Variants in PCDH15 observed in about 807,000 individuals in gnomAD.
PCDH15 encodes the protein protocadherin related 15, also known as protocadherin-15.
PCDH15 carries 129 observed loss-of-function variants against 178.5 expected under a neutral mutation model. That is an observed-to-expected ratio of 0.72 (90% CI 0.63 to 0.84). PCDH15 has a LOEUF of 0.84. PCDH15 is among the 40% of genes least tolerant of loss of function. PCDH15 has a pLI of 0.00. For missense variants in PCDH15, 2,230 were observed against 2,099.9 expected (o/e 1.06, Z -1.21); for synonymous variants, 800 against 732.0 (o/e 1.09, Z -1.50).
At chr10:54,390,361 C>T (rs1950405032) in intron 3 of PCDH15, among the ~76,000 whole-genome samples, 1 of 152,098 alleles carries the variant, frequency 6.6e-6, no homozygotes, top group Non-Finnish European at 1.5e-5. Context: ...GGTGCGATCT[C>T]GGCTCCCTGC....
At chr10:53,873,168 A>G (rs1040423172) in intron 26 of PCDH15, among the ~76,000 whole-genome samples, 1 of 152,224 alleles carries the variant, frequency 6.6e-6, no homozygotes, top group Non-Finnish European at 1.5e-5. Flanking sequence ...GAAAATTTTT[A>G]TAGAATCACC....
At chr10:55,433,463 T>A (rs1041944124) in intron 2 of PCDH15, among the ~76,000 whole-genome samples, 2 of 152,108 alleles carry the variant, frequency 1.3e-5, no homozygotes, top group Admixed American at 6.5e-5. Context: ...AAACTACCTA[T>A]TGGGTACTAT....
chr10:55,451,578 AAGAATTCATTC>A (rs1320788917), intron 2 of PCDH15, among the ~76,000 whole-genome samples: 1 of 152,192 alleles, frequency 6.6e-6, no homozygotes, highest in Non-Finnish European at 1.5e-5. Flanking sequence ...TATTGTAAAA[AAGAATTCATTC>A]AGAATTCATT....
chr10:55,413,986 T>C (rs552666951), intron 2 of PCDH15, among the ~76,000 whole-genome samples: 234 of 151,662 alleles, frequency 1.5e-3, no homozygotes, highest in Non-Finnish European at 2.5e-3. Context: ...TGCACAGATA[T>C]AAGAGTAAGA....
chr10:54,633,411 C>A (rs900201559), intron 2 of PCDH15, among the ~76,000 whole-genome samples: 10 of 151,942 alleles, frequency 6.6e-5, no homozygotes, highest in Non-Finnish European at 1.2e-4. Flanking sequence ...TTTGCATGAA[C>A]CTGAAAGTTG....
chr10:55,077,270 A>G (rs1841918864), intron 2 of PCDH15, among the ~76,000 whole-genome samples: 1 of 152,094 alleles, frequency 6.6e-6, no homozygotes, highest in Non-Finnish European at 1.5e-5. Flanking sequence ...ATCTATTTAC[A>G]TTCAAGGTTA....
chr10:55,373,359 A>C (rs1483813605), intron 2 of PCDH15, among the ~76,000 whole-genome samples: 2 of 152,190 alleles, frequency 1.3e-5, no homozygotes, highest in Non-Finnish European at 2.9e-5. Context: ...CATGGGGGAA[A>C]GTATCAATTA....
chr10:53,919,293 T>G (rs933020584), intron 25 of PCDH15, among the ~76,000 whole-genome samples: 2 of 152,160 alleles, frequency 1.3e-5, no homozygotes, highest in Admixed American at 1.3e-4. Context: ...CAATGTAAAA[T>G]TCGAAGGATC....
At chr10:54,191,883 T>C (rs35088030) in intron 11 of PCDH15, among the ~76,000 whole-genome samples, 27,384 of 148,156 alleles carry the variant, frequency 0.18, 3,882 homozygotes, top group East Asian at 0.84. Context: ...ATTGTGACGC[T>C]GCACTCCAGC....
chr10:54,797,069 A>G (rs1952102300), intron 1 of PCDH15, among the ~76,000 whole-genome samples: 1 of 152,004 alleles, frequency 6.6e-6, no homozygotes, highest in African/African-American at 2.4e-5. Context: ...TTCATTGCAC[A>G]CACCGCTGTC....
At chr10:54,372,225 C>A (rs568018624) in intron 4 of PCDH15, among the ~76,000 whole-genome samples, 19 of 151,896 alleles carry the variant, frequency 1.3e-4, no homozygotes, top group African/African-American at 4.1e-4. Flanking sequence ...AACATTCTAT[C>A]TCAACTTCTA....
intron 9 of PCDH15, among the ~76,000 whole-genome samples, chr10:54,225,759 T>C (rs569684613): frequency 1.2e-4 from 18 of 152,314 alleles, no homozygotes; most frequent in Admixed American, 7.8e-4. Context: ...AGCTTTAACG[T>C]TTTAGGGGCA....
chr10:54,547,317 T>C (rs1266339905), intron 2 of PCDH15, among the ~76,000 whole-genome samples: 1 of 152,168 alleles, frequency 6.6e-6, no homozygotes, highest in African/African-American at 2.4e-5. Context: ...TTGTTTACTA[T>C]TATTTTGTTT....
rs551358574 is a variant in PCDH15 at position 53,904,202 on chromosome 10, T to TA, written c.3374-833dup. ...GGGAAATAAGTGGCTATTCATTTTG[T>TA]AAAAAAATAGTCAAATAAGTATTGC... On this transcript the variant is annotated intron_variant, in intron 25 of 37. Coordinates refer to ENST00000644397, the MANE Select transcript of PCDH15 (RefSeq NM_001384140.1). 3.9e-5 allele frequency among the ~76,000 whole-genome samples: 6 copies of TA among 152,248 alleles called. No individual in the cohort carries two copies. In the East Asian group the frequency reaches 9.7e-4, roughly 24 times the overall value.
intron 21 of PCDH15, among the ~76,000 whole-genome samples, chr10:53,971,986 C>T (rs1043247574): frequency 2.6e-5 from 4 of 152,046 alleles, no homozygotes; most frequent in South Asian, 4.2e-4. Flanking sequence ...CAAGACAATC[C>T]TAAGCCAAAA....
At chr10:55,558,823 G>A (rs1286395481) in intron 2 of PCDH15, among the ~76,000 whole-genome samples, 2 of 151,918 alleles carry the variant, frequency 1.3e-5, no homozygotes, top group Non-Finnish European at 2.9e-5. Flanking sequence ...TTAAATAGAG[G>A]TAGTCTTTTA....
chr10:54,550,755 C>A (rs746106981), intron 2 of PCDH15, among the ~76,000 whole-genome samples: 2 of 152,076 alleles, frequency 1.3e-5, no homozygotes, highest in Non-Finnish European at 2.9e-5. Context: ...TAAAGTATTG[C>A]TATTATAATC....
intron 3 of PCDH15, among the ~76,000 whole-genome samples, chr10:54,477,056 A>C (rs540064114): frequency 6.6e-6 from 1 of 152,192 alleles, no homozygotes; most frequent in East Asian, 1.9e-4. Flanking sequence ...CTAATCCATA[A>C]ATAGGATCAT....
At chr10:55,599,769 CA>C in intron 2 of PCDH15, 3 of 425,800 alleles carry the variant, frequency 7.0e-6, no homozygotes, top group Non-Finnish European at 1.2e-5. Flanking sequence ...ATCTCTCTAC[CA>C]AAAACATCAC....
Sources: gnomAD v4.1 joint callset for allele counts (sites outside exome capture counted in the v4.1 genomes callset) on GRCh38, gnomAD v4.1.1 for gene constraint, MANE v1.5 for transcripts, NCBI Gene and HGNC (gene_info 2026-07-23, HGNC 2026-07-21) for gene names.